Variants in BMPR1B observed in about 807,000 individuals in gnomAD.
BMPR1B encodes bone morphogenetic protein receptor type 1B.
A neutral mutation model predicts 59.1 loss-of-function variants in BMPR1B; 12 were observed. That is an observed-to-expected ratio of 0.20 (90% CI 0.13 to 0.33). The LOEUF (loss-of-function observed/expected upper bound fraction) is 0.33, where lower values mean the gene tolerates loss of function less well. BMPR1B is among the 10% of genes least tolerant of loss of function. The pLI, the probability that BMPR1B is intolerant of heterozygous loss-of-function variation, is 1.00. For missense variants in BMPR1B, 550 were observed against 610.9 expected, an observed-to-expected ratio of 0.90 and a Z score of 1.05; for synonymous variants, 237 against 207.3, an observed-to-expected ratio of 1.14 and a Z score of -1.23.
intron 2 of BMPR1B, among the ~76,000 whole-genome samples, chr4:94,878,030 T>A (rs1033815380): frequency 1.3e-5 from 2 of 152,200 alleles, no homozygotes; most frequent in Non-Finnish European, 2.9e-5. Context: ...ATAAAAAAAA[T>A]TTTAATGGCT....
chr4:95,130,161 T>G (rs1733220305), intron 9 of BMPR1B, 107 bp downstream of exon 9: 2 of 1,364,988 alleles, frequency 1.5e-6, no homozygotes, highest in South Asian at 2.5e-5. Flanking sequence ...GCGAAATGTA[T>G]TGAAGTTTTC....
intron 2 of BMPR1B, among the ~76,000 whole-genome samples, chr4:94,958,639 A>G (rs1355946932): frequency 6.6e-6 from 1 of 152,200 alleles, no homozygotes; most frequent in East Asian, 1.9e-4. Context: ...CTTTGTCTAC[A>G]GATACTGTCA....
rs2149335203 is a variant in BMPR1B at position 95,156,470 on chromosome 4, G to T, written c.*1797G>T. Reference sequence around the variant, plus strand: ...AGAAAACATTTTCCTCACTTCTGAAGTCGGTTTGCAGCTGGTAACTTGTTC... The same window carrying T: ...AGAAAACATTTTCCTCACTTCTGAATTCGGTTTGCAGCTGGTAACTTGTTC... On this transcript the variant is annotated 3_prime_UTR_variant, in exon 13 of 13. Transcript: ENST00000515059. 6.6e-6 allele frequency: 1 copy of T among 152,142 alleles called. No homozygotes were observed. Among genetic ancestry groups the T allele is most frequent in the Middle Eastern group, 3.4e-3 (1 of 294 alleles). 9.4% of individuals were successfully genotyped at this position (152,142 alleles called of 1,614,324 possible).
chr4:95,033,648 A>G (rs928776150), intron 3 of BMPR1B, among the ~76,000 whole-genome samples: 1 of 152,178 alleles, frequency 6.6e-6, no homozygotes, highest in Non-Finnish European at 1.5e-5. Context: ...AAGTTAAGGC[A>G]GAATCTTGGA....
chr4:95,032,052 A>G (rs902924524), intron 3 of BMPR1B, among the ~76,000 whole-genome samples: 1 of 152,148 alleles, frequency 6.6e-6, no homozygotes, highest in African/African-American at 2.4e-5. Context: ...TGGAGAAGCT[A>G]AAACTCTTAG....
At chr4:94,974,830 C>G (rs1271126604) in intron 2 of BMPR1B, among the ~76,000 whole-genome samples, 1 of 152,052 alleles carries the variant, frequency 6.6e-6, no homozygotes, top group Non-Finnish European at 1.5e-5. Flanking sequence ...TTGCCTGATT[C>G]CCACCACTCT....
chr4:94,830,995 A>G (rs11934094), intron 1 of BMPR1B, among the ~76,000 whole-genome samples: 32,298 of 152,138 alleles, frequency 0.21, 3,610 homozygotes, highest in African/African-American at 0.25. Flanking sequence ...TACTCCTACT[A>G]ATTATAAAAA....
chr4:94,940,531 A>G (rs920588469), intron 2 of BMPR1B, among the ~76,000 whole-genome samples: 2 of 152,196 alleles, frequency 1.3e-5, no homozygotes, highest in South Asian at 2.1e-4. Flanking sequence ...CTTTATCACA[A>G]TTGTTGAACA....
At chr4:94,785,518 G>C (rs76487087) in intron 1 of BMPR1B, among the ~76,000 whole-genome samples, 1 of 152,154 alleles carries the variant, frequency 6.6e-6, no homozygotes, top group African/African-American at 2.4e-5. Context: ...CATTTGATGG[G>C]CATGGGGGTG....
At chr4:94,982,309 A>C (rs1721130591) in intron 2 of BMPR1B, among the ~76,000 whole-genome samples, 2 of 152,124 alleles carry the variant, frequency 1.3e-5, no homozygotes, top group South Asian at 4.1e-4. Flanking sequence ...TTTTTTAAAA[A>C]AAAACAAAAC....
chr4:94,766,638 TCAAA>T lies in BMPR1B; in HGVS notation c.-183+8575_-183+8578del, dbSNP rs146421781. 5.5e-3 allele frequency among the ~76,000 whole-genome samples: 836 copies of T among 152,056 alleles called. 9 individuals are homozygous for T. The highest frequency in any genetic ancestry group is 0.019 in the African/African-American group (775 of 41,536). Reference sequence around the variant, plus strand: ...AGTGAACTTGGGAAACATAGGGAACTCAAACAAATAAAATCAGTCACTCTTTTTT... The same window carrying T: ...AGTGAACTTGGGAAACATAGGGAACTCAAATAAAATCAGTCACTCTTTTTT... On this transcript the variant is annotated intron_variant, in intron 1 of 12. Transcript: ENST00000515059.
At chr4:95,086,869 A>T (rs1304329057) in intron 3 of BMPR1B, among the ~76,000 whole-genome samples, 1 of 152,146 alleles carries the variant, frequency 6.6e-6, no homozygotes, top group Admixed American at 6.5e-5. Flanking sequence ...AAAGCTTTTG[A>T]CATTTGGAAA....
chr4:94,874,925 A>G (rs887141705), intron 1 of BMPR1B, among the ~76,000 whole-genome samples: 11 of 152,094 alleles, frequency 7.2e-5, no homozygotes, highest in Non-Finnish European at 1.3e-4. Flanking sequence ...CCCGGGAGGC[A>G]GAGCTTGCAG....
intron 3 of BMPR1B, among the ~76,000 whole-genome samples, chr4:95,020,143 C>T (rs1723867123): frequency 6.6e-6 from 1 of 152,134 alleles, no homozygotes; most frequent in Non-Finnish European, 1.5e-5. Context: ...AACCCAGAGA[C>T]AATTTTGTCT....
Position 94,811,303 on chromosome 4 carries a change from T to C in BMPR1B, c.-183+53235T>C, listed in dbSNP as rs145496761. Among the ~76,000 whole-genome samples, 70 of 152,310 alleles carry C rather than the reference T, an allele frequency of 4.6e-4. No homozygotes were observed. In the East Asian group the frequency reaches 0.013, roughly 27 times the overall value. On this transcript the variant is annotated intron_variant, in intron 1 of 12. Transcript: ENST00000515059. ...TCATGTATGGCTTCCATTGTACTTA[T>C]GTGCATGAAACCTACTGAAGGCAAA...
At chr4:95,132,808 C>T (rs923362468) in intron 10 of BMPR1B, among the ~76,000 whole-genome samples, 1 of 152,120 alleles carries the variant, frequency 6.6e-6, no homozygotes, top group Non-Finnish European at 1.5e-5. Context: ...GCTTCTGTTC[C>T]ATTCTCTTTG....
chr4:95,087,682 T>TG (rs1729687357), intron 3 of BMPR1B, among the ~76,000 whole-genome samples: 2 of 152,008 alleles, frequency 1.3e-5, no homozygotes. Context: ...CAGTTAGCTG[T>TG]GATTGTGTCA....
At chr4:94,803,729 T>C (rs951097632) in intron 1 of BMPR1B, among the ~76,000 whole-genome samples, 1 of 152,196 alleles carries the variant, frequency 6.6e-6, no homozygotes, top group Non-Finnish European at 1.5e-5. Flanking sequence ...ATTTTCCGAA[T>C]GTCAGAAGTT....
rs185227152 is a variant in BMPR1B, at chr4:94,915,157, A to G, written c.-113+39257A>G. ...TTGCATGTGTGACATTAAAGGTATTATCACAGATTAAATCACCTTTCCATG... is the reference window on the plus strand; with the variant it reads ...TTGCATGTGTGACATTAAAGGTATTGTCACAGATTAAATCACCTTTCCATG... On this transcript the variant is annotated intron_variant, in intron 2 of 12. Coordinates refer to ENST00000515059, the MANE Select transcript of BMPR1B (RefSeq NM_001203.3). Among the ~76,000 whole-genome samples the G allele has an allele frequency of 5.3e-5, 8 of 152,362 alleles. No homozygotes were observed. The East Asian group carries it at 1.5e-3, about 29-fold the overall frequency.
Sources: allele counts gnomAD v4.1 joint callset (sites outside exome capture counted in the v4.1 genomes callset), GRCh38; gene constraint gnomAD v4.1.1; transcripts MANE v1.5; gene names NCBI Gene and HGNC (gene_info 2026-07-23, HGNC 2026-07-21).